NALF1: variants seen among roughly 807,000 people sequenced by gnomAD.
The protein encoded by NALF1 is family with sequence similarity 155 member A.
NALF1 carries 3 observed loss-of-function variants against 48.4 expected under a neutral mutation model. The ratio of observed to expected loss-of-function variants is 0.06; its 90% CI spans 0.03 to 0.16. NALF1 has a LOEUF of 0.16. Ranked by LOEUF, NALF1 falls within the 10% of genes least tolerant of loss-of-function variation. The pLI, the probability that NALF1 is intolerant of heterozygous loss-of-function variation, is 1.00. For synonymous variants in NALF1, 262 were observed against 245.7 expected (o/e 1.07, Z -0.62); for missense variants, 526 against 571.5 (o/e 0.92, Z 0.81).
rs12583396 is a variant in NALF1, at chr13:107,757,288, T to C, written c.915+108394A>G. Among the ~76,000 whole-genome samples, 5,838 of 152,060 alleles carry C rather than the reference T, an allele frequency of 0.038. 520 individuals carry two copies. In the East Asian group the frequency reaches 0.42, roughly 11 times the overall value. On this transcript the variant is annotated intron_variant, in intron 1 of 2. Transcript: ENST00000375915. ...AGACATCCCATAAATGTTACTGGGG[T>C]GGGACGGAGAGGGGGAGATTTGTGG...
chr13:107,534,891 C>T (rs987158470), intron 1 of NALF1, among the ~76,000 whole-genome samples: 1 of 152,104 alleles, frequency 6.6e-6, no homozygotes. Flanking sequence ...CTGACTCAAA[C>T]GCATCCACAT....
At chr13:107,832,580 C>T (rs368120483) in intron 1 of NALF1, among the ~76,000 whole-genome samples, 6 of 152,236 alleles carry the variant, frequency 3.9e-5, no homozygotes, top group Admixed American at 2.6e-4. Flanking sequence ...TCCCGTCTTA[C>T]GAAATGATAC....
chr13:107,299,113 A>T (rs1167169504), intron 1 of NALF1, among the ~76,000 whole-genome samples: 1 of 152,108 alleles, frequency 6.6e-6, no homozygotes, highest in Non-Finnish European at 1.5e-5. Flanking sequence ...AATAGCTCTC[A>T]TCTGGGTTTT....
intron 1 of NALF1, among the ~76,000 whole-genome samples, chr13:107,415,108 C>T (rs1259069663): frequency 6.6e-6 from 1 of 152,198 alleles, no homozygotes; most frequent in Middle Eastern, 3.4e-3. Flanking sequence ...AACTTCAGGA[C>T]ATTTTACTAA....
chr13:107,273,670 T>A (rs1881220795), intron 1 of NALF1, among the ~76,000 whole-genome samples: 2 of 152,170 alleles, frequency 1.3e-5, no homozygotes, highest in Admixed American at 1.3e-4. Flanking sequence ...AGCACATATA[T>A]CAGGAGAAGA....
intron 1 of NALF1, among the ~76,000 whole-genome samples, chr13:107,860,934 T>C (rs1011141528): frequency 1.3e-5 from 2 of 152,206 alleles, no homozygotes; most frequent in East Asian, 3.8e-4. Flanking sequence ...ATAAAAGAGG[T>C]TAAAAGCAAT....
intron 2 of NALF1, among the ~76,000 whole-genome samples, chr13:107,204,292 G>A (rs1026269716): frequency 4.9e-4 from 75 of 152,304 alleles, no homozygotes; most frequent in African/African-American, 1.7e-3. Flanking sequence ...TGCGCCTGCC[G>A]CTCCGCAAGC....
chr13:107,255,435 A>G (rs1472845185), intron 1 of NALF1, among the ~76,000 whole-genome samples: 2 of 152,200 alleles, frequency 1.3e-5, no homozygotes, highest in Admixed American at 6.5e-5. Flanking sequence ...GCTGCATAAA[A>G]TAAGTCCCAA....
At chr13:107,841,417 T>C (rs1381666029) in intron 1 of NALF1, among the ~76,000 whole-genome samples, 4 of 152,146 alleles carry the variant, frequency 2.6e-5, no homozygotes, top group Non-Finnish European at 5.9e-5. Flanking sequence ...CATGAAGAAG[T>C]GCTCTTCAAG....
At chr13:107,201,361 G>A (rs1477880367) in intron 2 of NALF1, among the ~76,000 whole-genome samples, 5 of 152,212 alleles carry the variant, frequency 3.3e-5, no homozygotes, top group Admixed American at 2.6e-4. Context: ...CAGATCACGA[G>A]GTCAGGAGAT....
intron 1 of NALF1, among the ~76,000 whole-genome samples, chr13:107,777,411 T>C (rs1418280104): frequency 6.6e-6 from 1 of 152,196 alleles, no homozygotes; most frequent in East Asian, 1.9e-4. Context: ...TCACGTTGAA[T>C]TGCAATCTGC....
chr13:107,373,474 G>A lies in NALF1; in HGVS notation c.916-162719C>T, dbSNP rs574129434. Among the ~76,000 whole-genome samples the A allele has an allele frequency of 3.0e-4, 46 of 152,222 alleles. No individual in the cohort carries two copies. In the East Asian group the frequency reaches 8.7e-3, roughly 29 times the overall value. ...ACATTTCAGTGAGAGCTGGGATTCCGATCCCAGTCCCTGGGATCACTTTGC... is the reference window on the plus strand; with the variant it reads ...ACATTTCAGTGAGAGCTGGGATTCCAATCCCAGTCCCTGGGATCACTTTGC... On this transcript the variant is annotated intron_variant, in intron 1 of 2. Transcript: ENST00000375915.
At chr13:107,183,717 A>G (rs1403658844) in intron 2 of NALF1, among the ~76,000 whole-genome samples, 1 of 152,156 alleles carries the variant, frequency 6.6e-6, no homozygotes, top group African/African-American at 2.4e-5. Context: ...GCTGGAAACC[A>G]TCATTCACAG....
intron 1 of NALF1, among the ~76,000 whole-genome samples, chr13:107,725,529 G>A (rs1378485682): frequency 6.6e-6 from 1 of 152,166 alleles, no homozygotes; most frequent in Non-Finnish European, 1.5e-5. Context: ...CCAAAATATA[G>A]TGAAACCCTG....
chr13:107,443,494 G>A lies in NALF1; in HGVS notation c.916-232739C>T, dbSNP rs377250461. On this transcript the variant is annotated intron_variant, in intron 1 of 2. Transcript: ENST00000375915. ...GGCCTCCCATAGTGCTGGGATTACA[G>A]GCGTGAGCCACCATGCCCAGCCTAC... Among the ~76,000 whole-genome samples the A allele has an allele frequency of 1.1e-4, 16 of 152,136 alleles. 1 individual carries two copies. Among genetic ancestry groups the A allele is most frequent in the African/African-American group, 3.6e-4 (15 of 41,418 alleles).
rs192721064 is a variant in NALF1, at chr13:107,403,636, A to T, written c.916-192881T>A. Among the ~76,000 whole-genome samples the T allele has an allele frequency of 4.8e-3, 727 of 152,152 alleles. 2 individuals are homozygous for T. Among genetic ancestry groups the T allele is most frequent in the African/African-American group, 0.016 (676 of 41,538 alleles). ...AATCAATTCTGCAAAGCAGCAGTAA[A>T]AAGTGGTCTACAGTTTTAATACATG... is the stretch of plus-strand genomic sequence containing the variant. On this transcript the variant is annotated intron_variant, in intron 1 of 2. Coordinates refer to ENST00000375915, the MANE Select transcript of NALF1 (RefSeq NM_001080396.3).
At chr13:107,288,824 C>T (rs188533059) in intron 1 of NALF1, among the ~76,000 whole-genome samples, 2 of 152,170 alleles carry the variant, frequency 1.3e-5, no homozygotes, top group African/African-American at 2.4e-5. Context: ...GGAGCCACCG[C>T]GCCCAGCCCA....
At chr13:107,523,178 G>C (rs114677317) in intron 1 of NALF1, among the ~76,000 whole-genome samples, 258 of 152,170 alleles carry the variant, frequency 1.7e-3, no homozygotes, top group African/African-American at 5.7e-3. Context: ...CATAAGGAGG[G>C]AGGAATTCAG....
chr13:107,669,693 C>T (rs989163134), intron 1 of NALF1, among the ~76,000 whole-genome samples: 4 of 152,080 alleles, frequency 2.6e-5, no homozygotes, highest in Admixed American at 1.3e-4. Context: ...ATAGTGTTTT[C>T]TGTTGATGTT....
Sources: gnomAD v4.1 joint callset for allele counts (sites outside exome capture counted in the v4.1 genomes callset) on GRCh38, gnomAD v4.1.1 for gene constraint, MANE v1.5 for transcripts, NCBI Gene and HGNC (gene_info 2026-07-23, HGNC 2026-07-21) for gene names.